Variants in TAAR5 observed in about 807,000 individuals in gnomAD.
TAAR5 encodes trace amine associated receptor 5, also known as trace amine-associated receptor 5.
In TAAR5, 27 loss-of-function variants were observed where a neutral mutation model predicts 21.1. The ratio of observed to expected loss-of-function variants is 1.28; its 90% CI spans 0.94 to 1.76. The LOEUF (loss-of-function observed/expected upper bound fraction) is 1.76. Ranked by LOEUF, TAAR5 falls within the 40% of genes most tolerant of loss-of-function variation. The probability of loss-of-function intolerance (pLI) is 0.00; values close to 1 mark genes in which losing one functional copy is unlikely to be tolerated. For missense variants in TAAR5, 495 were observed against 405.6 expected (o/e 1.22, Z -1.89); for synonymous variants, 203 against 167.5 (o/e 1.21, Z -1.64).
the TAAR5 span, among the ~76,000 whole-genome samples, chr6:132,600,794 AGGGGAG>A: frequency 3.7e-5 from 5 of 133,812 alleles, no homozygotes; most frequent in African/African-American, 8.3e-5. Context: ...GGAGGGAAGG[AGGGGAG>A]GAAGGAAGGA....
At chr6:132,611,020 G>A in the TAAR5 span, among the ~76,000 whole-genome samples, 11 of 152,238 alleles carry the variant, frequency 7.2e-5, no homozygotes, top group South Asian at 1.5e-3. Flanking sequence ...GACTCAATGC[G>A]GAGATTCTAT....
the TAAR5 span, among the ~76,000 whole-genome samples, chr6:132,602,778 T>TAAAAAAAAA: frequency 8.7e-5 from 4 of 45,716 alleles, no homozygotes; most frequent in East Asian, 4.2e-4. Flanking sequence ...CCTTTAGAAG[T>TAAAAAAAAA]CAAAAAAAAA....
chr6:132,606,175 G>A, the TAAR5 span, among the ~76,000 whole-genome samples: 3 of 152,004 alleles, frequency 2.0e-5, no homozygotes, highest in Non-Finnish European at 4.4e-5. Flanking sequence ...CCTTGATGAC[G>A]GATTCATCCA....
the TAAR5 span, chr6:132,608,421 A>G: frequency 2.6e-5 from 12 of 455,850 alleles, no homozygotes; most frequent in Non-Finnish European, 5.3e-5. Context: ...TTAGTATGGG[A>G]GTGGAGTAGT....
chr6:132,595,032 A>G, the TAAR5 span: 1 of 152,284 alleles, frequency 6.6e-6, no homozygotes, highest in Non-Finnish European at 1.5e-5. Flanking sequence ...ATGGGTCTCA[A>G]ACAGCATCGT....
chr6:132,602,630 T>C, the TAAR5 span, among the ~76,000 whole-genome samples: 2 of 152,134 alleles, frequency 1.3e-5, no homozygotes, highest in African/African-American at 4.8e-5. Context: ...CAAGGACTAT[T>C]ACCCATCTGT....
chr6:132,613,791 G>A, the TAAR5 span, among the ~76,000 whole-genome samples: 1 of 152,158 alleles, frequency 6.6e-6, no homozygotes. Context: ...ATAACTTGTA[G>A]TAGACTACAA....
the TAAR5 span, among the ~76,000 whole-genome samples, chr6:132,597,229 C>T: frequency 6.6e-6 from 1 of 151,936 alleles, no homozygotes; most frequent in Admixed American, 6.6e-5. Flanking sequence ...TCATATATTA[C>T]AGTTACATAT....
chr6:132,610,724 TGTTTCTCTA>T, the TAAR5 span, among the ~76,000 whole-genome samples: 1 of 152,166 alleles, frequency 6.6e-6, no homozygotes, highest in African/African-American at 2.4e-5. Context: ...GTGACTCCCT[TGTTTCTCTA>T]GGTTAAAAGT....
At chr6:132,611,632 C>T in the TAAR5 span, among the ~76,000 whole-genome samples, 119 of 151,956 alleles carry the variant, frequency 7.8e-4, 1 homozygote, top group African/African-American at 2.8e-3. Context: ...GATAGGGTAC[C>T]CCAAAATATG....
chr6:132,605,786 T>C, the TAAR5 span, among the ~76,000 whole-genome samples: 1 of 152,162 alleles, frequency 6.6e-6, no homozygotes, highest in Non-Finnish European at 1.5e-5. Context: ...GAAGTTATTT[T>C]TGAAAGAGAC....
In TAAR5 at chr6:132,589,346, T is replaced by C. The variant is rs80078646; in HGVS notation, c.341A>G (p.Asp114Gly). 1.2e-6 allele frequency: 2 copies of C among 1,613,872 alleles called. No individual in the cohort carries two copies. The highest frequency in any genetic ancestry group is 8.5e-7 in the Non-Finnish European group (1 of 1,179,968). ...GATGGAGGTGAGGCAGAAGAGGGTG[T>C]CCAGGTAGGTGTGCAGGCGGCAGAG... ...DFLCRLHTYLDTLFCLTSIFH... is the reference protein window; with the variant it reads ...DFLCRLHTYLGTLFCLTSIFH... The change falls in exon 1 of 1, where the codon GAC becomes GGC. Residue 114 changes from aspartate (D) to glycine (G), a missense_variant. Coordinates refer to ENST00000258034, the MANE Select transcript of TAAR5 (RefSeq NM_003967.3).
the TAAR5 span, among the ~76,000 whole-genome samples, chr6:132,614,847 T>G: frequency 6.6e-6 from 1 of 152,014 alleles, no homozygotes; most frequent in Admixed American, 6.6e-5. Context: ...GTTTGTTTGT[T>G]TTGGTTTGGT....
the TAAR5 span, among the ~76,000 whole-genome samples, chr6:132,596,650 A>C: frequency 6.6e-6 from 1 of 152,130 alleles, no homozygotes; most frequent in East Asian, 1.9e-4. Context: ...ATTTCTTAAA[A>C]TTTTTTAGGG....
chr6:132,612,073 T>A, the TAAR5 span, among the ~76,000 whole-genome samples: 1 of 152,228 alleles, frequency 6.6e-6, no homozygotes, highest in Non-Finnish European at 1.5e-5. Context: ...CTCTTTATTC[T>A]TTGGTTTTCA....
At chr6:132,596,199 CCT>C in the TAAR5 span, among the ~76,000 whole-genome samples, 16 of 152,264 alleles carry the variant, frequency 1.1e-4, no homozygotes, top group African/African-American at 1.9e-4. Flanking sequence ...GTCCTTTCCC[CCT>C]GTTTTCGTCT....
upstream of TAAR5, chr6:132,589,742 C>CAAAAAAAAAAAAAAAAAAAAAA (rs567338856): frequency 3.6e-5 from 2 of 55,770 alleles, 1 homozygote; most frequent in East Asian, 5.1e-4. Context: ...CACTGGAGGG[C>CAAAAAAAAAAAAAAAAAAAAAA]AAAAAAAAAA....
chr6:132,603,426 A>G, the TAAR5 span, among the ~76,000 whole-genome samples: 1 of 151,278 alleles, frequency 6.6e-6, no homozygotes. Flanking sequence ...AGTTTTTCCC[A>G]TTGTAAATCT....
At chr6:132,613,585 A>G in the TAAR5 span, among the ~76,000 whole-genome samples, 1 of 152,176 alleles carries the variant, frequency 6.6e-6, no homozygotes, top group Non-Finnish European at 1.5e-5. Context: ...TTAAGCACTG[A>G]CTAAGGTTGG....
Sources: gnomAD v4.1 joint callset for allele counts (sites outside exome capture counted in the v4.1 genomes callset) on GRCh38, gnomAD v4.1.1 for gene constraint, MANE v1.5 for transcripts, NCBI Gene and HGNC (gene_info 2026-07-23, HGNC 2026-07-21) for gene names.